Variants in GSE1 observed in about 807,000 individuals in gnomAD.
GSE1 encodes the protein genetic suppressor element 1.
Under a neutral mutation model 112.6 loss-of-function variants are expected in GSE1, and 32 were observed. That is an observed-to-expected ratio of 0.28 (90% CI 0.21 to 0.38). The LOEUF is 0.38. Among genes scored for constraint, GSE1 ranks in the 10% least tolerant of loss-of-function variants. The pLI, the probability that GSE1 is intolerant of heterozygous loss-of-function variation, is 1.00. For synonymous variants in GSE1, 1,115 were observed against 735.6 expected (o/e 1.52, Z -8.35); for missense variants, 2,348 against 1,699.2 (o/e 1.38, Z -6.71).
At chr16:85,524,116 CGGTGGGGTGCAGGGGACCTACA>C (rs2151163217) in intron 2 of GSE1, among the ~76,000 whole-genome samples, 1 of 152,236 alleles carries the variant, frequency 6.6e-6, no homozygotes, top group South Asian at 2.1e-4. Flanking sequence ...GTCTGGGGGC[CGGTGGGGTGCAGGGGACCTACA>C]CGTTCAAACC....
At chr16:85,420,111 G>GA (rs2048799369) in intron 2 of GSE1, among the ~76,000 whole-genome samples, 2 of 28,636 alleles carry the variant, frequency 7.0e-5, no homozygotes, top group South Asian at 3.2e-3. Flanking sequence ...CAGGCCAGAC[G>GA]GGTGGTGGCT....
chr16:85,451,983 C>G (rs2049697132), intron 2 of GSE1, among the ~76,000 whole-genome samples: 1 of 152,124 alleles, frequency 6.6e-6, no homozygotes, highest in African/African-American at 2.4e-5. Context: ...CACCGAGTTT[C>G]TGGTTCCAGG....
intron 2 of GSE1, among the ~76,000 whole-genome samples, chr16:85,477,571 T>G (rs2050498416): frequency 6.7e-6 from 1 of 150,092 alleles, no homozygotes; most frequent in African/African-American, 2.4e-5. Flanking sequence ...TTTTTGTTTT[T>G]TTTTTTTGAG....
At chr16:85,463,285 G>A (rs574503764) in intron 2 of GSE1, among the ~76,000 whole-genome samples, 3 of 152,304 alleles carry the variant, frequency 2.0e-5, no homozygotes, top group East Asian at 1.9e-4. Context: ...GCTCCCCAGC[G>A]CCGCCTCCTC....
At chr16:85,571,115 C>T (rs975313136) in intron 1 of GSE1, among the ~76,000 whole-genome samples, 16 of 152,156 alleles carry the variant, frequency 1.1e-4, no homozygotes, top group African/African-American at 2.9e-4. Context: ...AGGGGAGGTT[C>T]GGATTCAGCG....
At chr16:85,528,480 ATT>A (rs11388377) in intron 2 of GSE1, among the ~76,000 whole-genome samples, 2 of 144,304 alleles carry the variant, frequency 1.4e-5, no homozygotes, top group African/African-American at 2.6e-5. Flanking sequence ...CCCCCGGCTA[ATT>A]TTTTTTTTTT....
At chr16:85,530,845 A>G (rs2044113212) in intron 2 of GSE1, among the ~76,000 whole-genome samples, 2 of 152,242 alleles carry the variant, frequency 1.3e-5, no homozygotes, top group Non-Finnish European at 2.9e-5. Flanking sequence ...GGAAACCTTG[A>G]GGCCCAAGTG....
chr16:85,493,762 C>A (rs1436489360), intron 2 of GSE1, among the ~76,000 whole-genome samples: 1 of 146,894 alleles, frequency 6.8e-6, no homozygotes, highest in Non-Finnish European at 1.5e-5. Context: ...TGCACTCTAG[C>A]CTGGGCAACG....
chr16:85,666,683 G>A (rs533958798), intron 13 of GSE1: 1 of 292,420 alleles, frequency 3.4e-6, no homozygotes, highest in Non-Finnish European at 6.5e-6. Context: ...GGCAGGAAGA[G>A]CACTTGAGTG....
intron 1 of GSE1, among the ~76,000 whole-genome samples, chr16:85,329,958 G>A (rs1026695450): frequency 4.6e-5 from 7 of 151,672 alleles, no homozygotes; most frequent in African/African-American, 7.3e-5. Context: ...GTAAGACCCC[G>A]CCCTCCAGGG....
intron 1 of GSE1, among the ~76,000 whole-genome samples, chr16:85,215,681 T>G (rs1364967861): frequency 6.6e-6 from 1 of 152,224 alleles, no homozygotes; most frequent in Non-Finnish European, 1.5e-5. Flanking sequence ...ACAGAGTGCC[T>G]GCTGTGTGCC....
upstream of GSE1, among the ~76,000 whole-genome samples, chr16:85,609,651 TTTC>T (rs1039782063): frequency 6.6e-6 from 1 of 152,054 alleles, no homozygotes; most frequent in Non-Finnish European, 1.5e-5. Flanking sequence ...GATGGAAAGC[TTTC>T]TTTTTTTTTT....
chr16:85,197,690 G>C lies in GSE1; in HGVS notation c.2283+25883G>C, dbSNP rs992175926. 4.8e-4 allele frequency among the ~76,000 whole-genome samples: 73 copies of C among 152,278 alleles called. 1 individual carries two copies. Among genetic ancestry groups the C allele is most frequent in the Non-Finnish European group, 2.5e-4 (17 of 68,020 alleles). The stretch of plus-strand genomic sequence containing the variant: ...TCCCTCCGGGATCAAGGCCCTCCCT[G>C]GTCCTGGCGTCCCCACTCTGTGTCA... On this transcript the variant is annotated intron_variant, in intron 1 of 2. Transcript: ENST00000637419.
Position 85,311,770 on chromosome 16 carries a change from C to T in GSE1, c.2284-45693C>T, listed in dbSNP as rs2045854792. Among the ~76,000 whole-genome samples, 1 of 152,136 alleles carries T rather than the reference C, an allele frequency of 6.6e-6. No individual in the cohort carries two copies. The highest frequency in any genetic ancestry group is 1.5e-5 in the Non-Finnish European group (1 of 67,984). ...GCAGGCTCTCCAGGGACATCTGTCC[C>T]ACCTGCCGATGCCCACATACCACCT... On this transcript the variant is annotated intron_variant, in intron 1 of 2. Transcript: ENST00000637419. The surrounding 1 kb of genome is among the most constrained non-coding windows in gnomAD (Gnocchi z 4.2).
rs114645010 is a variant in GSE1, at chr16:85,622,758, C to T, written c.7+9360C>T. 5.9e-3 allele frequency among the ~76,000 whole-genome samples: 904 copies of T among 152,296 alleles called. 4 individuals are homozygous for T. The highest frequency in any genetic ancestry group is 0.021 in the African/African-American group (853 of 41,556). On this transcript the variant is annotated intron_variant, in intron 1 of 15. Coordinates refer to ENST00000253458, the MANE Select transcript of GSE1 (RefSeq NM_014615.5). The stretch of plus-strand genomic sequence containing the variant: ...GGTTGACACACGCCAGAATTGTGGC[C>T]TTCATAGGCGTCCCCTGAAGCTGAG...
intron 1 of GSE1, among the ~76,000 whole-genome samples, chr16:85,279,380 G>A (rs1375531157): frequency 1.3e-5 from 2 of 152,228 alleles, no homozygotes; most frequent in Non-Finnish European, 2.9e-5. Flanking sequence ...GGCCAAGGCA[G>A]CGGATCACTT....
In GSE1 at chr16:85,464,195, T is replaced by C. The variant is rs371095244; in HGVS notation, c.2464+106552T>C. On this transcript the variant is annotated intron_variant, in intron 2 of 2. Coordinates refer to the GSE1 transcript ENST00000637419. ...CTGCAGCTTTTAAAGCTTTTTGCCTTTTGAAAACTCAGGGGGAGAAAGAGT... is the reference window on the plus strand; with the variant it reads ...CTGCAGCTTTTAAAGCTTTTTGCCTCTTGAAAACTCAGGGGGAGAAAGAGT... 1.2e-4 allele frequency among the ~76,000 whole-genome samples: 18 copies of C among 152,218 alleles called. No homozygotes were observed. The East Asian group carries it at 3.5e-3, about 29-fold the overall frequency.
In GSE1 at chr16:85,671,029, A is replaced by G. The variant is rs754371893; in HGVS notation, c.3450A>G (p.Gln1150=). ...TGGAGCGGCAGGTGTTACAGACACA[A>G]TGTAGACGACTGGAGGCCCGGCACT... ...QNLERQVLQT[Q]CRRLEARHYS... The change falls in exon 15 of 16, where the codon CAA becomes CAG. Residue 1150 remains glutamine (Q), a synonymous_variant. Coordinates refer to ENST00000253458, the MANE Select transcript of GSE1 (RefSeq NM_014615.5). 6 of 1,612,394 alleles carry G rather than the reference A, an allele frequency of 3.7e-6. No individual in the cohort carries two copies. The highest frequency in any genetic ancestry group is 1.7e-4 in the Middle Eastern group (1 of 6,054).
chr16:85,260,036 C>T (rs1267411937), intron 1 of GSE1, among the ~76,000 whole-genome samples: 6 of 152,174 alleles, frequency 3.9e-5, no homozygotes, highest in Non-Finnish European at 5.9e-5. Flanking sequence ...CAGAAAGGGA[C>T]GGAGATGAGG....
Sources: gnomAD v4.1 joint callset for allele counts (sites outside exome capture counted in the v4.1 genomes callset) on GRCh38, gnomAD v4.1.1 for gene constraint, Gnocchi (gnomAD v3.1) non-coding constraint, MANE v1.5 for transcripts, NCBI Gene and HGNC (gene_info 2026-07-23, HGNC 2026-07-21) for gene names.